The following RARB variants were observed in gnomAD, a reference collection of about 807,000 sequenced individuals.
RARB encodes retinoic acid receptor beta.
In RARB, 17 loss-of-function variants were observed where a neutral mutation model predicts 51.9. The observed-to-expected ratio is 0.33, with a 90% CI of 0.22 to 0.49. The LOEUF is 0.49. RARB is among the 20% of genes least tolerant of loss of function. The pLI, the probability that RARB is intolerant of heterozygous loss-of-function variation, is 0.99. For synonymous variants in RARB, 215 were observed against 195.4 expected (o/e 1.10, Z -0.84); for missense variants, 369 against 550.8 (o/e 0.67, Z 3.30).
intron 3 of RARB, among the ~76,000 whole-genome samples, chr3:25,103,652 A>G (rs17516350): frequency 6.6e-6 from 1 of 152,212 alleles, no homozygotes; most frequent in Non-Finnish European, 1.5e-5. Flanking sequence ...TTTCTCAGCT[A>G]ATCCTCACAG....
At chr3:25,111,870 C>G (rs892008291) in intron 3 of RARB, among the ~76,000 whole-genome samples, 1 of 152,006 alleles carries the variant, frequency 6.6e-6, no homozygotes, top group East Asian at 1.9e-4. Flanking sequence ...GCCATCGGGC[C>G]CGACTCCAAC....
chr3:24,937,657 C>T (rs1182152094), intron 2 of RARB, among the ~76,000 whole-genome samples: 1 of 152,056 alleles, frequency 6.6e-6, no homozygotes, highest in African/African-American at 2.4e-5. Context: ...ACTTCAGAAC[C>T]GTTCAGGGAG....
rs143175258 is a variant in RARB, at chr3:25,240,092, T to C, written c.178+65517T>C. On this transcript the variant is annotated intron_variant, in intron 5 of 11. Transcript: ENST00000383772. ...TTTTGGGTTTGTTTGTTTGTTTTTG[T>C]AATTCTTGTAAATGGGATTGCATTC... is the stretch of plus-strand genomic sequence containing the variant. Among the ~76,000 whole-genome samples the C allele has an allele frequency of 5.9e-5, 9 of 152,150 alleles. No individual in the cohort carries two copies. The East Asian group carries it at 1.5e-3, about 26-fold the overall frequency.
Position 25,551,403 on chromosome 3 carries a change from A to G in RARB, c.449-18355A>G, listed in dbSNP as rs527435393. Among the ~76,000 whole-genome samples, 23 of 152,354 alleles carry G rather than the reference A, an allele frequency of 1.5e-4. No individual in the cohort carries two copies. The East Asian group carries it at 3.7e-3, about 24-fold the overall frequency. The stretch of plus-strand genomic sequence containing the variant: ...AGTTTGAGAAACAGTAGATAGACTC[A>G]TCAGACCCTGGTAGATATACTGGAT... On this transcript the variant is annotated intron_variant, in intron 3 of 7. Coordinates refer to ENST00000330688, the MANE Select transcript of RARB (RefSeq NM_000965.5).
At chr3:25,374,874 G>C (rs187578410) in intron 5 of RARB, among the ~76,000 whole-genome samples, 1 of 152,110 alleles carries the variant, frequency 6.6e-6, no homozygotes, top group Non-Finnish European at 1.5e-5. Flanking sequence ...CTTTGCCTAC[G>C]AATGAACTGC....
chr3:25,325,074 T>C (rs1313548671), intron 5 of RARB, among the ~76,000 whole-genome samples: 1 of 152,174 alleles, frequency 6.6e-6, no homozygotes, highest in Non-Finnish European at 1.5e-5. Context: ...CTAAGGATAC[T>C]TAGTTATTGC....
At chr3:25,194,834 T>G (rs1423126590) in intron 5 of RARB, among the ~76,000 whole-genome samples, 1 of 151,958 alleles carries the variant, frequency 6.6e-6, no homozygotes, top group African/African-American at 2.4e-5. Flanking sequence ...GTATCAAGTT[T>G]CTATGATGGC....
intron 2 of RARB, among the ~76,000 whole-genome samples, chr3:24,934,190 A>C (rs1046261893): frequency 6.6e-6 from 1 of 152,090 alleles, no homozygotes; most frequent in Non-Finnish European, 1.5e-5. Context: ...TAGCCAGAGG[A>C]GGGAACCGGC....
chr3:25,424,593 C>T (rs755000058), upstream of RARB, among the ~76,000 whole-genome samples: 1 of 152,172 alleles, frequency 6.6e-6, no homozygotes, highest in Non-Finnish European at 1.5e-5. Context: ...CATGAAAGAG[C>T]TGGGCATGTC....
chr3:25,424,341 C>T (rs1283300591), upstream of RARB, among the ~76,000 whole-genome samples: 1 of 152,094 alleles, frequency 6.6e-6, no homozygotes, highest in East Asian at 1.9e-4. Context: ...GCAAAGTTTC[C>T]ATGTGTTATT....
At chr3:25,066,394 T>C (rs987299605) in intron 3 of RARB, among the ~76,000 whole-genome samples, 5 of 152,218 alleles carry the variant, frequency 3.3e-5, no homozygotes, top group African/African-American at 1.2e-4. Context: ...TTTCTGTTTT[T>C]AATATTTGAG....
intron 5 of RARB, among the ~76,000 whole-genome samples, chr3:25,253,288 A>G (rs561314250): frequency 6.6e-6 from 1 of 152,164 alleles, no homozygotes; most frequent in Non-Finnish European, 1.5e-5. Flanking sequence ...TGAGTTGTAC[A>G]TCCGTATTTT....
At chr3:25,000,116 T>C (rs560848066) in intron 2 of RARB, among the ~76,000 whole-genome samples, 1 of 152,236 alleles carries the variant, frequency 6.6e-6, no homozygotes, top group East Asian at 1.9e-4. Context: ...AAAGGTGTTA[T>C]GTTTACAGAA....
intron 1 of RARB, among the ~76,000 whole-genome samples, chr3:25,438,587 G>A (rs1313845641): frequency 1.3e-5 from 2 of 152,144 alleles, no homozygotes; most frequent in East Asian, 1.9e-4. Context: ...TACAGATGAG[G>A]AAATGGAGGC....
intron 3 of RARB, among the ~76,000 whole-genome samples, chr3:25,521,619 A>G (rs1409208296): frequency 6.6e-6 from 1 of 152,186 alleles, no homozygotes; most frequent in East Asian, 1.9e-4. Context: ...AGTCTAATGT[A>G]GAAGCTGTCT....
At chr3:24,860,135 G>A (rs1702721042) in intron 2 of RARB, among the ~76,000 whole-genome samples, 1 of 152,092 alleles carries the variant, frequency 6.6e-6, no homozygotes, top group African/African-American at 2.4e-5. Flanking sequence ...AAAATGAACG[G>A]GGCCCATGTC....
intron 5 of RARB, among the ~76,000 whole-genome samples, chr3:25,356,885 G>A (rs1229687222): frequency 2.0e-5 from 3 of 152,270 alleles, no homozygotes; most frequent in Admixed American, 1.3e-4. Flanking sequence ...TGGTGTATAT[G>A]TGCCACATTT....
At chr3:25,021,933 C>T (rs573346683) in intron 2 of RARB, among the ~76,000 whole-genome samples, 1 of 152,136 alleles carries the variant, frequency 6.6e-6, no homozygotes, top group East Asian at 1.9e-4. Flanking sequence ...TTGATAAATA[C>T]TGAGTTAGGC....
chr3:25,048,920 CT>C (rs1698271759), intron 2 of RARB, among the ~76,000 whole-genome samples: 1 of 151,826 alleles, frequency 6.6e-6, no homozygotes, highest in Non-Finnish European at 1.5e-5. Flanking sequence ...GCCCGGCTAA[CT>C]TTTTGTATTT....
Sources: allele counts gnomAD v4.1 joint callset (sites outside exome capture counted in the v4.1 genomes callset), GRCh38; gene constraint gnomAD v4.1.1; transcripts MANE v1.5; gene names NCBI Gene and HGNC (gene_info 2026-07-23, HGNC 2026-07-21).